The following ATP5PO variants were observed in gnomAD, a reference collection of about 807,000 sequenced individuals.
ATP5PO encodes the protein ATP synthase peripheral stalk subunit OSCP, mitochondrial.
ATP5PO carries 14 observed loss-of-function variants against 26.2 expected under a neutral mutation model. The ratio of observed to expected loss-of-function variants is 0.53; its 90% CI spans 0.35 to 0.83. ATP5PO has a LOEUF of 0.83. Among genes scored for constraint, ATP5PO ranks in the 40% least tolerant of loss-of-function variants. The pLI, the probability that ATP5PO is intolerant of heterozygous loss-of-function variation, is 0.01. For missense variants in ATP5PO, 241 were observed against 258.5 expected, an observed-to-expected ratio of 0.93 and a Z score of 0.46; for synonymous variants, 106 against 95.1, an observed-to-expected ratio of 1.12 and a Z score of -0.67.
intron 5 of ATP5PO, among the ~76,000 whole-genome samples, chr21:33,904,841 A>C (rs552697352): frequency 6.6e-6 from 1 of 152,156 alleles, no homozygotes; most frequent in South Asian, 2.1e-4. Flanking sequence ...CCCAGGTTCA[A>C]GTGATTCTCC....
Position 33,914,512 on chromosome 21 carries a change from TA to T in ATP5PO, c.37-13del, listed in dbSNP as rs1232439945. On this transcript the variant is annotated splice_polypyrimidine_tract_variant and intron_variant, in intron 1 of 6. Transcript: ENST00000290299. ...CTGAAGCATCGCACCTTCAAAGCAA[TA>T]AAGGAAAATAGATCAAACAAAATTA... is the stretch of plus-strand genomic sequence containing the variant. 5 of 1,610,150 alleles carry T rather than the reference TA, an allele frequency of 3.1e-6. No homozygotes were observed. Among genetic ancestry groups the T allele is most frequent in the African/African-American group, 1.3e-5 (1 of 74,780 alleles).
chr21:33,912,419 T>C lies in ATP5PO; in HGVS notation c.88-20A>G, dbSNP rs747749157. 11 of 1,575,188 alleles carry C rather than the reference T, an allele frequency of 7.0e-6. No homozygotes were observed. The highest frequency in any genetic ancestry group is 1.7e-4 in the Middle Eastern group (1 of 5,966). On this transcript the variant is annotated intron_variant, in intron 2 of 6. Transcript: ENST00000290299. ...AGGAGGCTTTAAAAAAAAGGTGAAA[T>C]AGGAGAGGAAAGAAAAAGGAAAATC...
Position 33,915,785 on chromosome 21 carries a change from T to C in ATP5PO, c.-22A>G. ...CCATCTTCTCCCGGGCGGCTGTAGG[T>C]CAAACCCGAGTGGGAAGAGAGAAAC... On this transcript the variant is annotated 5_prime_UTR_variant, in exon 1 of 7. Coordinates refer to ENST00000290299, the MANE Select transcript of ATP5PO (RefSeq NM_001697.3). The C allele has an allele frequency of 6.4e-7, 1 of 1,561,726 alleles. No individual in the cohort carries two copies. The highest frequency in any genetic ancestry group is 8.7e-7 in the Non-Finnish European group (1 of 1,154,266).
chr21:33,904,929 C>T (rs138019834), intron 5 of ATP5PO, among the ~76,000 whole-genome samples: 165 of 152,196 alleles, frequency 1.1e-3, no homozygotes, highest in Admixed American at 2.6e-3. Flanking sequence ...TTAGTAGAGA[C>T]GGGGTTTCAC....
chr21:33,905,918 G>GAAAAAAAAAAAAAAAAAAAAAAAAAAAA (rs59334506), intron 5 of ATP5PO, among the ~76,000 whole-genome samples: 1 of 98,436 alleles, frequency 1.0e-5, no homozygotes, highest in African/African-American at 3.9e-5. Flanking sequence ...TCTCAAAAAA[G>GAAAAAAAAAAAAAAAAAAAAAAAAAAAA]AAAAAAAAAA....
chr21:33,915,508 G>T (rs1987302058), intron 1 of ATP5PO: 3 of 623,852 alleles, frequency 4.8e-6, no homozygotes, highest in South Asian at 2.3e-5. Flanking sequence ...CTCGGAAGAC[G>T]CCAAGGTTAC....
intron 3 of ATP5PO, 120 bp downstream of exon 3, chr21:33,912,169 G>A: frequency 1.5e-6 from 1 of 687,424 alleles, no homozygotes; most frequent in Non-Finnish European, 2.3e-6. Flanking sequence ...TGTGTTTACA[G>A]ACAATGGCTT....
At position 33,915,497 on chromosome 21, in the gene ATP5PO, G is replaced by C. The variant is rs562213692; in HGVS notation, c.36+231C>G. 235 of 588,606 alleles carry C rather than the reference G, an allele frequency of 4.0e-4. 3 individuals carry two copies. The Middle Eastern group carries it at 4.2e-3, about 10-fold the overall frequency. 36.5% of individuals were successfully genotyped at this position (588,606 alleles called of 1,614,324 possible). The stretch of plus-strand genomic sequence containing the variant: ...CAGGCTAGCAGCTTCCAGGGGCTGT[G>C]CTCGGAAGACGCCAAGGTTACGGCA... On this transcript the variant is annotated intron_variant, in intron 1 of 6. Coordinates refer to ENST00000290299, the MANE Select transcript of ATP5PO (RefSeq NM_001697.3).
At chr21:33,909,977 G>C (rs116877912) in intron 3 of ATP5PO, among the ~76,000 whole-genome samples, 204 of 152,340 alleles carry the variant, frequency 1.3e-3, no homozygotes, top group Non-Finnish European at 2.7e-3. Flanking sequence ...CAGATTCTGT[G>C]AGGCCTCTGG....
Position 33,915,791 on chromosome 21 carries a change from C to G in ATP5PO, c.-28G>C, listed in dbSNP as rs1347397999. 2 of 1,558,300 alleles carry G rather than the reference C, an allele frequency of 1.3e-6. No homozygotes were observed. The highest frequency in any genetic ancestry group is 2.7e-5 in the African/African-American group (2 of 73,610). On this transcript the variant is annotated 5_prime_UTR_variant, in exon 1 of 7. Coordinates refer to ENST00000290299, the MANE Select transcript of ATP5PO (RefSeq NM_001697.3). ...TCTCCCGGGCGGCTGTAGGTCAAAC[C>G]CGAGTGGGAAGAGAGAAACGCGCAA...
intron 3 of ATP5PO, 145 bp from the exon 4 acceptor site, chr21:33,909,356 C>CT: frequency 2.5e-6 from 2 of 798,874 alleles, no homozygotes; most frequent in Admixed American, 2.9e-5. Flanking sequence ...TCTTGGCTCA[C>CT]ACAACCTCCA....
intron 5 of ATP5PO, among the ~76,000 whole-genome samples, chr21:33,905,923 A>AAAAAAAAAAG (rs1987165270): frequency 1.3e-5 from 2 of 150,150 alleles, no homozygotes; most frequent in Non-Finnish European, 3.0e-5. Flanking sequence ...AAAAAGAAAA[A>AAAAAAAAAAG]AAAAAAAAAA....
intron 4 of ATP5PO, 158 bp downstream of exon 4, chr21:33,908,924 G>C: frequency 1.3e-6 from 1 of 781,184 alleles, no homozygotes. Flanking sequence ...TTAGGGAGCT[G>C]GTTAAGATAC....
Position 33,906,601 on chromosome 21 carries a change from G to C in ATP5PO, c.441+740C>G, listed in dbSNP as rs567341571. 331 of 386,554 alleles carry C rather than the reference G, an allele frequency of 8.6e-4. 1 individual carries two copies. Among genetic ancestry groups the C allele is most frequent in the African/African-American group, 8.1e-3 (304 of 37,488 alleles). The allele number at this position is 386,554 out of a possible 1,614,324, so 23.9% of individuals were successfully genotyped here. A position where few individuals can be genotyped will look rare whatever the true frequency, so the allele number is the denominator to read the frequency against. On this transcript the variant is annotated intron_variant, in intron 5 of 6. Transcript: ENST00000290299. ...ATATAGTAGGGTTCAATAAACGGTA[G>C]CCAATTATAGCCCACTATCAAGTCA... is the stretch of plus-strand genomic sequence containing the variant.
At chr21:33,906,889 G>C (rs1987180288) in intron 5 of ATP5PO, 2 of 405,242 alleles carry the variant, frequency 4.9e-6, no homozygotes, top group African/African-American at 2.0e-5. Context: ...TACTCAGGAA[G>C]CTGAGGCAGG....
chr21:33,904,547 TC>T (rs1424142114), intron 5 of ATP5PO, among the ~76,000 whole-genome samples: 2 of 152,188 alleles, frequency 1.3e-5, no homozygotes, highest in Non-Finnish European at 2.9e-5. Flanking sequence ...GGCAGGCCAC[TC>T]CACTCTCTGA....
intron 4 of ATP5PO, 63 bp downstream of exon 4, chr21:33,909,019 C>T: frequency 6.6e-7 from 1 of 1,513,056 alleles, no homozygotes; most frequent in South Asian, 1.3e-5. Context: ...CGCCCACAGT[C>T]CATGGACCAC....
intron 3 of ATP5PO, among the ~76,000 whole-genome samples, chr21:33,910,355 C>T (rs911217771): frequency 6.6e-6 from 1 of 152,136 alleles, no homozygotes; most frequent in Non-Finnish European, 1.5e-5. Flanking sequence ...CAGGAATATA[C>T]AGATTTAAAG....
intron 2 of ATP5PO, 100 bp downstream of exon 2, chr21:33,914,350 T>A (rs1987286475): frequency 1.7e-6 from 2 of 1,203,428 alleles, no homozygotes; most frequent in East Asian, 4.7e-5. Context: ...GCAAAAAGGT[T>A]TAGATAGTAA....
Sources: allele counts gnomAD v4.1 joint callset (sites outside exome capture counted in the v4.1 genomes callset), GRCh38; gene constraint gnomAD v4.1.1; transcripts MANE v1.5; gene names NCBI Gene and HGNC (gene_info 2026-07-23, HGNC 2026-07-21).